The following CCND3 variants were observed in gnomAD, a reference collection of about 807,000 sequenced individuals.
CCND3 encodes G1/S-specific cyclin-D3.
In CCND3, 9 loss-of-function variants were observed where a neutral mutation model predicts 28.7. The ratio of observed to expected loss-of-function variants is 0.31; its 90% CI spans 0.19 to 0.55. The LOEUF is 0.55. CCND3 is among the 20% of genes least tolerant of loss of function. The pLI is 0.93. For missense variants in CCND3, 315 were observed against 385.8 expected (o/e 0.82, Z 1.54); for synonymous variants, 164 against 163.9 (o/e 1.00, Z 0.00).
At chr6:41,950,836 G>A (rs920220563) in intron 1 of CCND3, among the ~76,000 whole-genome samples, 1 of 151,754 alleles carries the variant, frequency 6.6e-6, no homozygotes, top group Non-Finnish European at 1.5e-5. Context: ...AGCCTCCCGA[G>A]TAGCTGGGAC....
At chr6:41,985,304 CTTTTTTTTTTTT>C (rs56672487) in intron 1 of CCND3, among the ~76,000 whole-genome samples, 7 of 53,282 alleles carry the variant, frequency 1.3e-4, no homozygotes, top group African/African-American at 1.6e-4. Context: ...CAGTTCAAGT[CTTTTTTTTTTTT>C]TTTTTTTTTT....
At chr6:42,000,234 C>CGTT (rs1762951898) in intron 1 of CCND3, among the ~76,000 whole-genome samples, 5 of 51,010 alleles carry the variant, frequency 9.8e-5, no homozygotes, top group Non-Finnish European at 1.6e-4. Flanking sequence ...TGAAAACATA[C>CGTT]TTTTTTTTTT....
At chr6:41,970,295 C>G (rs938696501) in intron 1 of CCND3, among the ~76,000 whole-genome samples, 1 of 151,870 alleles carries the variant, frequency 6.6e-6, no homozygotes, top group Non-Finnish European at 1.5e-5. Flanking sequence ...GCCAAGATCG[C>G]GCCACTGCAC....
chr6:42,002,581 G>A (rs1482850962), intron 1 of CCND3, among the ~76,000 whole-genome samples: 8 of 152,238 alleles, frequency 5.3e-5, no homozygotes, highest in African/African-American at 1.4e-4. Context: ...GGCTGGGCGT[G>A]GTGGCTCACG....
At chr6:41,983,657 T>C (rs1762407676) in intron 1 of CCND3, among the ~76,000 whole-genome samples, 2 of 152,034 alleles carry the variant, frequency 1.3e-5, no homozygotes, top group South Asian at 2.1e-4. Flanking sequence ...CTGGGCAACA[T>C]GGTGAAACCT....
At chr6:42,043,623 G>C (rs890911738) in intron 1 of CCND3, among the ~76,000 whole-genome samples, 1 of 152,136 alleles carries the variant, frequency 6.6e-6, no homozygotes, top group African/African-American at 2.4e-5. Flanking sequence ...AACTCTGCCT[G>C]GGAAGTCGAG....
intron 1 of CCND3, among the ~76,000 whole-genome samples, chr6:42,040,846 A>T (rs928814495): frequency 6.6e-6 from 1 of 151,322 alleles, no homozygotes; most frequent in East Asian, 1.9e-4. Flanking sequence ...GCAAGACTCC[A>T]TCTCAAAAAC....
chr6:42,010,327 C>T (rs73733061), intron 1 of CCND3, among the ~76,000 whole-genome samples: 16,760 of 152,100 alleles, frequency 0.11, 1,878 homozygotes, highest in African/African-American at 0.27. Flanking sequence ...TCCCCTGCCC[C>T]GGGGCACTGC....
chr6:42,031,271 T>A (rs1764034443), intron 1 of CCND3: 2 of 152,264 alleles, frequency 1.3e-5, no homozygotes, highest in South Asian at 2.1e-4. Flanking sequence ...AGCTGAGTCA[T>A]CTGCCCCTCA....
intron 1 of CCND3, among the ~76,000 whole-genome samples, chr6:42,030,717 G>A (rs1037912149): frequency 1.3e-5 from 2 of 152,256 alleles, no homozygotes; most frequent in Admixed American, 6.5e-5. Context: ...GGCCCAGCCC[G>A]GCAGGTGGAG....
intron 1 of CCND3, among the ~76,000 whole-genome samples, chr6:41,972,007 C>T: frequency 6.7e-6 from 1 of 149,690 alleles, no homozygotes. Context: ...GGGCGGATCA[C>T]GAGGTCAGGA....
chr6:41,964,106 T>G (rs1317896985), intron 1 of CCND3, among the ~76,000 whole-genome samples: 1 of 152,228 alleles, frequency 6.6e-6, no homozygotes, highest in Admixed American at 6.5e-5. Context: ...GAACTGAGCT[T>G]GACCCACAGT....
chr6:41,995,835 T>C (rs959493956), intron 1 of CCND3, among the ~76,000 whole-genome samples: 28 of 151,998 alleles, frequency 1.8e-4, no homozygotes, highest in African/African-American at 6.5e-4. Flanking sequence ...AGGAGGACTG[T>C]TTGAGACCAA....
chr6:41,988,695 T>TTTTC (rs1762556213), intron 1 of CCND3, among the ~76,000 whole-genome samples: 1 of 29,184 alleles, frequency 3.4e-5, no homozygotes, highest in African/African-American at 7.9e-5. Flanking sequence ...GCTGAACTTC[T>TTTTC]TTTCTTTTTT....
intron 1 of CCND3, among the ~76,000 whole-genome samples, chr6:41,964,663 A>ACCCAGC (rs951591849): frequency 3.9e-5 from 6 of 152,014 alleles, no homozygotes; most frequent in African/African-American, 1.2e-4. Context: ...CTGCCAGCAG[A>ACCCAGC]CCCAGCAGGT....
intron 1 of CCND3, among the ~76,000 whole-genome samples, chr6:41,968,381 T>A (rs1294788287): frequency 2.6e-5 from 4 of 152,210 alleles, no homozygotes; most frequent in Non-Finnish European, 5.9e-5. Context: ...CTGGTTTTTT[T>A]AATTCTATGG....
At chr6:41,964,318 CTGTGTGTGTGAATG>C (rs1438230186) in intron 1 of CCND3, among the ~76,000 whole-genome samples, 1 of 148,636 alleles carries the variant, frequency 6.7e-6, no homozygotes, top group Non-Finnish European at 1.5e-5. Context: ...GTGTGTGAGT[CTGTGTGTGTGAATG>C]TGTGTGTGAA....
At chr6:42,031,348 T>G (rs1764037218) in intron 1 of CCND3, 2 of 152,222 alleles carry the variant, frequency 1.3e-5, no homozygotes, top group South Asian at 4.1e-4. Flanking sequence ...ACCTGGATAC[T>G]TCACAACTTT....
chr6:41,998,608 G>A (rs924524560), intron 1 of CCND3, among the ~76,000 whole-genome samples: 22 of 151,804 alleles, frequency 1.4e-4, no homozygotes, highest in African/African-American at 4.8e-4. Context: ...GATTACAGGC[G>A]TGAGCCACCG....
Sources: gnomAD v4.1 joint callset for allele counts (sites outside exome capture counted in the v4.1 genomes callset) on GRCh38, gnomAD v4.1.1 for gene constraint, MANE v1.5 for transcripts, NCBI Gene and HGNC (gene_info 2026-07-23, HGNC 2026-07-21) for gene names.